OSBPL6: variants seen among roughly 807,000 people sequenced by gnomAD.
OSBPL6 encodes the protein oxysterol-binding protein-related protein 6.
In OSBPL6, 49 loss-of-function variants were observed where a neutral mutation model predicts 125.8. The ratio of observed to expected loss-of-function variants is 0.39; its 90% CI spans 0.31 to 0.49. OSBPL6 has a LOEUF of 0.49. OSBPL6 is among the 20% of genes least tolerant of loss of function. The probability of loss-of-function intolerance (pLI) is 0.88; values close to 1 mark genes in which losing one functional copy is unlikely to be tolerated. For missense variants in OSBPL6, 986 were observed against 1,135.4 expected (o/e 0.87, Z 1.89); for synonymous variants, 394 against 391.8 (o/e 1.01, Z -0.07).
intron 3 of OSBPL6, among the ~76,000 whole-genome samples, chr2:178,318,993 T>C (rs1688007532): frequency 6.6e-6 from 1 of 152,230 alleles, no homozygotes; most frequent in African/African-American, 2.4e-5. Flanking sequence ...TTGCAGTGTC[T>C]TGTAAGGTAG....
intron 17 of OSBPL6, among the ~76,000 whole-genome samples, 163 bp downstream of exon 17, chr2:178,383,440 C>G (rs1694666924): frequency 6.6e-6 from 1 of 152,210 alleles, no homozygotes; most frequent in Non-Finnish European, 1.5e-5. Context: ...GCCAAAACCT[C>G]CCAGATACCA....
intron 13 of OSBPL6, among the ~76,000 whole-genome samples, chr2:178,369,724 A>G (rs1385273237): frequency 3.3e-5 from 5 of 152,248 alleles, no homozygotes. Flanking sequence ...GCATGATCAC[A>G]TTTAATGAAC....
At chr2:178,199,491 C>T (rs932342482) in intron 1 of OSBPL6, among the ~76,000 whole-genome samples, 7 of 151,886 alleles carry the variant, frequency 4.6e-5, no homozygotes, top group Admixed American at 3.9e-4. Flanking sequence ...CTATGGTTGC[C>T]TGGCTCTCTG....
At chr2:178,393,335 A>G (rs983828542) in intron 23 of OSBPL6, among the ~76,000 whole-genome samples, 1 of 152,208 alleles carries the variant, frequency 6.6e-6, no homozygotes, top group Non-Finnish European at 1.5e-5. Flanking sequence ...TACTCAAAAT[A>G]CAGTACCTTT....
At chr2:178,239,628 A>G (rs901591514) in intron 1 of OSBPL6, among the ~76,000 whole-genome samples, 1 of 149,686 alleles carries the variant, frequency 6.7e-6, no homozygotes, top group Non-Finnish European at 1.5e-5. Context: ...TTATTTATTT[A>G]TTTATTTATT....
At chr2:178,295,558 C>T (rs1685673246) in intron 2 of OSBPL6, among the ~76,000 whole-genome samples, 1 of 152,128 alleles carries the variant, frequency 6.6e-6, no homozygotes, top group South Asian at 2.1e-4. Context: ...TGCAGAGCAC[C>T]ACCTACCCTC....
At chr2:178,261,174 C>CAA (rs199549668) in intron 1 of OSBPL6, among the ~76,000 whole-genome samples, 2 of 151,652 alleles carry the variant, frequency 1.3e-5, no homozygotes, top group Admixed American at 6.6e-5. Flanking sequence ...AACAACAAAA[C>CAA]AAAAAAACCC....
rs144215083 is a variant in OSBPL6, at chr2:178,231,875, G to T, written c.-351+37201G>T. Among the ~76,000 whole-genome samples the T allele has an allele frequency of 5.9e-3, 892 of 152,094 alleles. 9 individuals are homozygous for T. The highest frequency in any genetic ancestry group is 0.021 in the African/African-American group (853 of 41,480). On this transcript the variant is annotated intron_variant, in intron 1 of 24. Coordinates refer to ENST00000190611, the MANE Select transcript of OSBPL6 (RefSeq NM_032523.4). ...GATAGGGTCTGGCTACATTACCCAG[G>T]CTGGTCTTGAACTCCTGGTCTAGCA...
At chr2:178,370,152 C>T (rs1693240435) in intron 13 of OSBPL6, among the ~76,000 whole-genome samples, 1 of 152,134 alleles carries the variant, frequency 6.6e-6, no homozygotes, top group East Asian at 1.9e-4. Flanking sequence ...GTAATCCCAG[C>T]TACTTAGGAG....
intron 3 of OSBPL6, among the ~76,000 whole-genome samples, chr2:178,314,806 A>C (rs1278956852): frequency 4.6e-5 from 7 of 152,098 alleles, no homozygotes; most frequent in Non-Finnish European, 1.0e-4. Flanking sequence ...AGCAGTGGAG[A>C]CAGGATTTGC....
rs1195076125 is a variant in OSBPL6, at chr2:178,339,668, G to A, written c.895-4G>A. The A allele has an allele frequency of 1.3e-6, 2 of 1,589,984 alleles. No individual in the cohort carries two copies. Among genetic ancestry groups the A allele is most frequent in the Non-Finnish European group, 8.5e-7 (1 of 1,169,842 alleles). On this transcript the variant is annotated splice_region_variant and splice_polypyrimidine_tract_variant and intron_variant, in intron 10 of 24. Coordinates refer to ENST00000190611, the MANE Select transcript of OSBPL6 (RefSeq NM_032523.4). ...TGTTGCTTTTAACTATTTGTGTAAT[G>A]TAGGCTAACTGTGTAGATATTTCAA...
Position 178,332,753 on chromosome 2 carries a change from A to G in OSBPL6, c.485A>G (p.Lys162Arg). The G allele has an allele frequency of 1.2e-6, 2 of 1,613,844 alleles. No individual in the cohort carries two copies. The highest frequency in any genetic ancestry group is 1.7e-6 in the Non-Finnish European group (2 of 1,179,738). ...ACCGAAGAGCACATCTATCATTTGAAGGTGAAATCAGTTTTCAACAGTTTC... is the reference window on the plus strand; with the variant it reads ...ACCGAAGAGCACATCTATCATTTGAGGGTGAAATCAGTTTTCAACAGTTTC... ...LDTEEHIYHL[K>R]VKSQDWFDAW... Residue 162 changes from lysine (K) to arginine (R), a missense_variant and splice_region_variant, in exon 7 of 25, where the codon AAG becomes AGG. Coordinates refer to ENST00000190611, the MANE Select transcript of OSBPL6 (RefSeq NM_032523.4).
chr2:178,196,016 C>A lies in OSBPL6; in HGVS notation c.-351+1342C>A, dbSNP rs552411091. ...CATCCTTCCCCCCGCCCCCAACCCC[C>A]GCTTTATTTTTTGGAAACATTTCTA... On this transcript the variant is annotated intron_variant, in intron 1 of 24. Transcript: ENST00000190611. 1.1e-4 allele frequency among the ~76,000 whole-genome samples: 16 copies of A among 151,950 alleles called. No individual in the cohort carries two copies. The South Asian group carries it at 2.9e-3, about 28-fold the overall frequency.
chr2:178,382,760 A>G, intron 16 of OSBPL6: 3 of 1,430,154 alleles, frequency 2.1e-6, no homozygotes, highest in East Asian at 5.0e-5. Context: ...TTCTTATTAA[A>G]TGTATTTAAT....
rs12474844 is a variant in OSBPL6, at chr2:178,339,792, C to T, written c.987+28C>T. The T allele has an allele frequency of 0.025, 38,072 of 1,527,764 alleles. 2,316 individuals carry two copies. The East Asian group carries it at 0.26, about 10-fold the overall frequency. 94.6% of individuals were successfully genotyped at this position (1,527,764 alleles called of 1,614,324 possible). ...ACAGATTTTACTTTTCCTTCATTCACGTTTCTACATATTTTTAAAGTACTA... is the reference window on the plus strand; with the variant it reads ...ACAGATTTTACTTTTCCTTCATTCATGTTTCTACATATTTTTAAAGTACTA... On this transcript the variant is annotated intron_variant, in intron 11 of 24. Transcript: ENST00000190611.
chr2:178,358,484 A>G (rs1692025360), intron 12 of OSBPL6, among the ~76,000 whole-genome samples: 2 of 152,038 alleles, frequency 1.3e-5, no homozygotes, highest in African/African-American at 4.8e-5. Context: ...AGGCACCAAA[A>G]AGGCACAATG....
At chr2:178,389,360 T>C (rs934623277) in intron 21 of OSBPL6, among the ~76,000 whole-genome samples, 2 of 152,012 alleles carry the variant, frequency 1.3e-5, no homozygotes, top group African/African-American at 4.8e-5. Context: ...AAAGGCATCA[T>C]CTAAAACAGA....
intron 9 of OSBPL6, among the ~76,000 whole-genome samples, chr2:178,337,223 T>C (rs1689766753): frequency 1.3e-5 from 2 of 152,244 alleles, no homozygotes; most frequent in Non-Finnish European, 2.9e-5. Flanking sequence ...TAGATGATCC[T>C]AAGATGATAT....
intron 1 of OSBPL6, among the ~76,000 whole-genome samples, chr2:178,281,334 A>C (rs1434328408): frequency 6.6e-6 from 1 of 152,032 alleles, no homozygotes; most frequent in Non-Finnish European, 1.5e-5. Flanking sequence ...TTTCCTCATG[A>C]AATCTTTGCC....
Sources: allele counts gnomAD v4.1 joint callset (sites outside exome capture counted in the v4.1 genomes callset), GRCh38; gene constraint gnomAD v4.1.1; transcripts MANE v1.5; gene names NCBI Gene and HGNC (gene_info 2026-07-23, HGNC 2026-07-21).